ERAP1: variants seen among roughly 807,000 people sequenced by gnomAD.
ERAP1 encodes the protein endoplasmic reticulum aminopeptidase 1.
A neutral mutation model predicts 103.7 loss-of-function variants in ERAP1; 86 were observed. That is an observed-to-expected ratio of 0.83 (90% CI 0.70 to 0.99). The LOEUF (loss-of-function observed/expected upper bound fraction) is 0.99, where lower values mean the gene tolerates loss of function less well. Among genes scored for constraint, ERAP1 ranks in the 50% least tolerant of loss-of-function variants. ERAP1 has a pLI of 0.00. For missense variants in ERAP1, 1,009 were observed against 1,128.4 expected (o/e 0.89, Z 1.52); for synonymous variants, 398 against 402.4 (o/e 0.99, Z 0.13).
At chr5:96,888,673 C>A in the ERAP1 span, among the ~76,000 whole-genome samples, 1 of 152,142 alleles carries the variant, frequency 6.6e-6, no homozygotes, top group Non-Finnish European at 1.5e-5. Flanking sequence ...ATTTTTTCTA[C>A]TTGATAGCTA....
At chr5:96,870,343 A>G in the ERAP1 span, among the ~76,000 whole-genome samples, 4 of 152,364 alleles carry the variant, frequency 2.6e-5, no homozygotes, top group South Asian at 8.3e-4. Flanking sequence ...AACACAGGCA[A>G]ACATGAACGT....
At chr5:96,826,979 C>T in the ERAP1 span, among the ~76,000 whole-genome samples, 4 of 152,156 alleles carry the variant, frequency 2.6e-5, no homozygotes, top group Non-Finnish European at 5.9e-5. Flanking sequence ...ACTCTATCCC[C>T]ACAAAGCTCA....
At chr5:96,896,620 G>A in the ERAP1 span, 5 of 1,448,576 alleles carry the variant, frequency 3.5e-6, no homozygotes, top group Non-Finnish European at 4.6e-6. Flanking sequence ...CTTTTTATTT[G>A]TTCACTTTTC....
chr5:96,832,905 G>T, the ERAP1 span, among the ~76,000 whole-genome samples: 2 of 152,230 alleles, frequency 1.3e-5, no homozygotes, highest in South Asian at 4.2e-4. Context: ...TTAGAAGATG[G>T]GGCCTTTGAG....
chr5:96,870,745 T>C, the ERAP1 span, among the ~76,000 whole-genome samples: 1 of 152,216 alleles, frequency 6.6e-6, no homozygotes. Flanking sequence ...CACAGATAAG[T>C]TACTTGAGAA....
the ERAP1 span, among the ~76,000 whole-genome samples, chr5:96,859,161 C>T: frequency 3.3e-5 from 5 of 151,776 alleles, no homozygotes; most frequent in East Asian, 7.7e-4. Flanking sequence ...TAGCACAAGG[C>T]CTTCGTTTGT....
the ERAP1 span, among the ~76,000 whole-genome samples, chr5:96,847,558 A>G: frequency 6.6e-6 from 1 of 152,218 alleles, no homozygotes; most frequent in Admixed American, 6.5e-5. Context: ...ATTTCCCAAG[A>G]TAGGTCATGT....
In ERAP1 at chr5:96,775,535, CTCACTCAGAAT is replaced by C. The variant is rs1372108688; in HGVS notation, c.*850_*860del. 18 of 160,702 alleles carry C rather than the reference CTCACTCAGAAT, an allele frequency of 1.1e-4. No homozygotes were observed. The highest frequency in any genetic ancestry group is 1.3e-4 in the Non-Finnish European group (18 of 136,296). 10.0% of individuals were successfully genotyped at this position (160,702 alleles called of 1,614,324 possible). On this transcript the variant is annotated 3_prime_UTR_variant, in exon 19 of 19. Transcript: ENST00000443439. ...GTACCAGTCAGGGAAATAGATGACA[CTCACTCAGAAT>C]TATCTGAGGAGGGTTCTATAAAAAG... is the stretch of plus-strand genomic sequence containing the variant.
intron 19 of ERAP1, chr5:96,768,136 T>A (rs1402062805): frequency 4.4e-6 from 3 of 686,996 alleles, no homozygotes; most frequent in East Asian, 5.5e-5. Context: ...CAGGCTGGAG[T>A]GCAGTGGTGT....
the ERAP1 span, among the ~76,000 whole-genome samples, chr5:96,815,407 G>GTTTTTTGTTTTT: frequency 3.8e-5 from 4 of 105,452 alleles, no homozygotes; most frequent in Non-Finnish European, 4.1e-5. Flanking sequence ...TGTTTGTTTT[G>GTTTTTTGTTTTT]TTTTTTATTT....
chr5:96,927,341 G>A, the ERAP1 span, among the ~76,000 whole-genome samples: 2 of 152,118 alleles, frequency 1.3e-5, no homozygotes, highest in African/African-American at 2.4e-5. Context: ...TTTTATTGTA[G>A]CTATCCTAGT....
chr5:96,787,663 G>A (rs72773942), intron 11 of ERAP1, among the ~76,000 whole-genome samples: 13,950 of 152,046 alleles, frequency 0.092, 849 homozygotes, highest in Middle Eastern at 0.16. Context: ...AAAAACATAT[G>A]CCAAGTATAT....
chr5:96,909,171 C>T, the ERAP1 span: 1 of 1,552,728 alleles, frequency 6.4e-7, no homozygotes, highest in South Asian at 1.1e-5. Flanking sequence ...TCTGGAGTAT[C>T]AGTCAGGCTC....
the ERAP1 span, among the ~76,000 whole-genome samples, chr5:96,920,461 T>C: frequency 6.6e-6 from 1 of 152,196 alleles, no homozygotes; most frequent in Non-Finnish European, 1.5e-5. Flanking sequence ...GGAATCCTGA[T>C]TTTCTGAGGA....
chr5:96,897,987 A>G, the ERAP1 span, among the ~76,000 whole-genome samples: 1 of 152,192 alleles, frequency 6.6e-6, no homozygotes, highest in Non-Finnish European at 1.5e-5. Flanking sequence ...ACTTCAGGTC[A>G]GGAGTTTGAG....
At chr5:96,835,496 A>G in the ERAP1 span, among the ~76,000 whole-genome samples, 1 of 152,224 alleles carries the variant, frequency 6.6e-6, no homozygotes, top group Non-Finnish European at 1.5e-5. Flanking sequence ...ACAAAGTAGA[A>G]CATCCTTACA....
chr5:96,813,673 A>G, the ERAP1 span, among the ~76,000 whole-genome samples: 7 of 150,100 alleles, frequency 4.7e-5, no homozygotes, highest in Non-Finnish European at 7.4e-5. Flanking sequence ...AAAAAAAAAA[A>G]AAAAGCCTGG....
At chr5:96,840,762 G>A in the ERAP1 span, among the ~76,000 whole-genome samples, 1 of 150,416 alleles carries the variant, frequency 6.6e-6, no homozygotes, top group Admixed American at 6.6e-5. Context: ...CTGGAGTGCA[G>A]TGGCATGATC....
chr5:96,889,238 G>C, the ERAP1 span: 1 of 1,614,010 alleles, frequency 6.2e-7, no homozygotes. Context: ...ATGCTTTGCA[G>C]GCATCACTGA....
Sources: gnomAD v4.1 joint callset for allele counts (sites outside exome capture counted in the v4.1 genomes callset) on GRCh38, gnomAD v4.1.1 for gene constraint, MANE v1.5 for transcripts, NCBI Gene and HGNC (gene_info 2026-07-23, HGNC 2026-07-21) for gene names.